Variants in LRRC37A2 observed in about 807,000 individuals in gnomAD.
LRRC37A2 encodes leucine-rich repeat-containing protein 37A2.
Under a neutral mutation model 68.8 loss-of-function variants are expected in LRRC37A2, and 9 were observed. The observed-to-expected ratio is 0.13, with a 90% CI of 0.08 to 0.23. The LOEUF is 0.23. Among genes scored for constraint, LRRC37A2 ranks in the 10% least tolerant of loss-of-function variants. The probability of loss-of-function intolerance (pLI) is 1.00; values close to 1 mark genes in which losing one functional copy is unlikely to be tolerated. For missense variants in LRRC37A2, 168 were observed against 950.4 expected (o/e 0.18, Z 10.82); for synonymous variants, 63 against 367.6 (o/e 0.17, Z 9.48).
At chr17:46,612,532 A>T in the LRRC37A2 span, among the ~76,000 whole-genome samples, 1 of 934 alleles carries the variant, frequency 1.1e-3, no homozygotes, top group East Asian at 0.029. Flanking sequence ...CATACAATGA[A>T]ATCTTATCCA....
At chr17:46,791,072 T>C in the LRRC37A2 span, among the ~76,000 whole-genome samples, 1 of 152,104 alleles carries the variant, frequency 6.6e-6, no homozygotes, top group East Asian at 1.9e-4. Flanking sequence ...TAGGTGGAAG[T>C]TCTGTCTGCA....
At chr17:46,548,467 A>G (rs1168067892) in exon 10 of LRRC37A2, 4 of 1,093,264 alleles carry the variant, frequency 3.7e-6, no homozygotes, top group South Asian at 1.5e-5. Context: ...GCAGCTAGAC[A>G]CCAATGACGA....
the LRRC37A2 span, chr17:46,979,001 C>A: frequency 7.1e-7 from 1 of 1,411,514 alleles, no homozygotes. Flanking sequence ...AGGAAGGTCG[C>A]GTTCATCGCC....
At chr17:47,020,194 T>A in the LRRC37A2 span, among the ~76,000 whole-genome samples, 9 of 149,348 alleles carry the variant, frequency 6.0e-5, no homozygotes, top group African/African-American at 2.0e-4. Context: ...GATCTATTTA[T>A]TAGCTTGGTG....
the LRRC37A2 span, among the ~76,000 whole-genome samples, chr17:46,704,597 A>G: frequency 6.7e-6 from 1 of 149,664 alleles, no homozygotes; most frequent in African/African-American, 2.5e-5. Flanking sequence ...TGTATTCTGG[A>G]TATTAATCCC....
chr17:46,881,837 A>G, the LRRC37A2 span, among the ~76,000 whole-genome samples: 1 of 152,266 alleles, frequency 6.6e-6, no homozygotes, highest in Non-Finnish European at 1.5e-5. Flanking sequence ...GCAGACACCA[A>G]GACACTTACA....
chr17:46,950,868 T>C, the LRRC37A2 span, among the ~76,000 whole-genome samples: 2 of 152,158 alleles, frequency 1.3e-5, no homozygotes, highest in South Asian at 2.1e-4. Flanking sequence ...AGCCAGACTT[T>C]CTGGGGGAGA....
At chr17:46,797,158 G>A in the LRRC37A2 span, among the ~76,000 whole-genome samples, 4 of 152,262 alleles carry the variant, frequency 2.6e-5, no homozygotes, top group African/African-American at 9.6e-5. Flanking sequence ...ACACCAAGAG[G>A]CTCCAAGTTG....
chr17:46,679,809 G>A, the LRRC37A2 span, among the ~76,000 whole-genome samples: 4 of 152,020 alleles, frequency 2.6e-5, no homozygotes, highest in Non-Finnish European at 5.9e-5. Context: ...GAAAGAAACA[G>A]TGGAAATTCA....
chr17:46,679,706 A>AG, the LRRC37A2 span, among the ~76,000 whole-genome samples: 1 of 151,614 alleles, frequency 6.6e-6, no homozygotes, highest in Non-Finnish European at 1.5e-5. Flanking sequence ...AAAAAAAAAA[A>AG]GAAGCTAATA....
the LRRC37A2 span, among the ~76,000 whole-genome samples, chr17:46,967,829 G>A: frequency 1.3e-5 from 2 of 152,102 alleles, no homozygotes; most frequent in Non-Finnish European, 2.9e-5. Flanking sequence ...ATAAAGAGGG[G>A]GGTAGGGGGC....
chr17:46,388,358 G>C, the LRRC37A2 span, among the ~76,000 whole-genome samples: 4 of 44,038 alleles, frequency 9.1e-5, no homozygotes, highest in East Asian at 1.4e-3. Flanking sequence ...AGATCAGCCT[G>C]ACCAACATGG....
the LRRC37A2 span, among the ~76,000 whole-genome samples, chr17:46,748,071 A>C: frequency 2.6e-5 from 4 of 152,216 alleles, no homozygotes; most frequent in Non-Finnish European, 5.9e-5. Flanking sequence ...AGTGCCTTCA[A>C]AATTGTGAGA....
the LRRC37A2 span, among the ~76,000 whole-genome samples, chr17:46,852,102 G>T: frequency 6.6e-6 from 1 of 152,228 alleles, no homozygotes; most frequent in South Asian, 2.1e-4. Context: ...CCTGTCTGCC[G>T]CCATCCTGGC....
At chr17:46,913,759 T>C in the LRRC37A2 span, among the ~76,000 whole-genome samples, 2 of 152,194 alleles carry the variant, frequency 1.3e-5, no homozygotes, top group Non-Finnish European at 2.9e-5. Flanking sequence ...CATTTTTTAC[T>C]TTTTTATTTT....
chr17:46,499,337 G>GGC, the LRRC37A2 span, among the ~76,000 whole-genome samples: 3 of 139,504 alleles, frequency 2.2e-5, no homozygotes, highest in South Asian at 2.5e-4. Context: ...AAAAAAAAAG[G>GGC]TGGGGGGACA....
the LRRC37A2 span, chr17:46,931,700 G>T: frequency 9.3e-6 from 3 of 324,198 alleles, no homozygotes; most frequent in South Asian, 3.7e-5. Context: ...GAAACTTTGT[G>T]GATGCTTTAC....
At chr17:46,784,897 T>A in the LRRC37A2 span, among the ~76,000 whole-genome samples, 2 of 150,962 alleles carry the variant, frequency 1.3e-5, no homozygotes, top group Admixed American at 6.6e-5. Context: ...TGCCTCAGCC[T>A]CCCGAGTAGC....
chr17:46,957,540 G>A, the LRRC37A2 span, among the ~76,000 whole-genome samples: 1 of 152,198 alleles, frequency 6.6e-6, no homozygotes, highest in Non-Finnish European at 1.5e-5. Context: ...TTGAACCTGG[G>A]AGGCAGAGGT....
Sources: allele counts gnomAD v4.1 joint callset (sites outside exome capture counted in the v4.1 genomes callset), GRCh38; gene constraint gnomAD v4.1.1; transcripts MANE v1.5; gene names NCBI Gene and HGNC (gene_info 2026-07-23, HGNC 2026-07-21).